ARRB1: variants seen among roughly 807,000 people sequenced by gnomAD.
The protein encoded by ARRB1 is arrestin beta 1, also known as beta-arrestin-1.
ARRB1 carries 21 observed loss-of-function variants against 56.8 expected under a neutral mutation model. The observed-to-expected ratio is 0.37, with a 90% CI of 0.26 to 0.53. The LOEUF is 0.53. ARRB1 is among the 20% of genes least tolerant of loss of function. ARRB1 has a pLI of 0.88. For missense variants in ARRB1, 424 were observed against 553.7 expected (o/e 0.77, Z 2.35); for synonymous variants, 210 against 218.6 (o/e 0.96, Z 0.35).
intron 7 of ARRB1, 25 bp downstream of exon 7, chr11:75,281,050 G>C: frequency 6.3e-7 from 1 of 1,590,654 alleles, no homozygotes; most frequent in Non-Finnish European, 8.6e-7. Flanking sequence ...CCAGCAGGCG[G>C]CCCACACCCT....
At chr11:75,268,351 A>C (rs1945985801) in intron 14 of ARRB1, among the ~76,000 whole-genome samples, 1 of 151,894 alleles carries the variant, frequency 6.6e-6, no homozygotes, top group Non-Finnish European at 1.5e-5. Context: ...CTAAAAATAC[A>C]AAAATCAGCC....
intron 1 of ARRB1, chr11:75,312,137 T>C (rs1369970173): frequency 7.8e-7 from 1 of 1,289,408 alleles, no homozygotes; most frequent in East Asian, 5.5e-5. Context: ...TGCTGGCCTC[T>C]CCCTTCTCCT....
intron 1 of ARRB1, among the ~76,000 whole-genome samples, chr11:75,349,963 G>T (rs1947822143): frequency 6.6e-6 from 1 of 152,226 alleles, no homozygotes; most frequent in South Asian, 2.1e-4. Flanking sequence ...CCTGCCTCTG[G>T]CCCCTTTTGA....
chr11:75,268,929 T>C lies in ARRB1; in HGVS notation c.1053A>G (p.Leu351=). Residue 351 remains leucine (L), a synonymous_variant, in exon 14 of 16, where the codon CTA becomes CTG. Coordinates refer to ENST00000420843, the MANE Select transcript of ARRB1 (RefSeq NM_004041.5). Reference sequence around the variant, plus strand: ...GTTCCTCTTTGGGCTTGGGGTGCATTAGGGTGAAGGGCAGTTCCACGGCCA... The same window carrying C: ...GTTCCTCTTTGGGCTTGGGGTGCATCAGGGTGAAGGGCAGTTCCACGGCCA... ...SDVAVELPFT[L]MHPKPKEEPP... is the part of the protein sequence containing the mutation. The C allele has an allele frequency of 6.2e-7, 1 of 1,611,230 alleles. No individual in the cohort carries two copies.
At chr11:75,318,554 G>T (rs919863791) in intron 1 of ARRB1, among the ~76,000 whole-genome samples, 2 of 152,150 alleles carry the variant, frequency 1.3e-5, no homozygotes, top group African/African-American at 4.8e-5. Context: ...GCTGGGCATG[G>T]TGGCATGCAC....
chr11:75,269,031 G>A (rs1188881893), intron 13 of ARRB1, 72 bp from the exon 14 acceptor site: 14 of 1,517,282 alleles, frequency 9.2e-6, no homozygotes, highest in Non-Finnish European at 1.2e-5. Flanking sequence ...TCGATGCCCT[G>A]TCAGTCCGAG....
chr11:75,337,883 C>G (rs898011825), intron 1 of ARRB1, among the ~76,000 whole-genome samples: 1 of 142,868 alleles, frequency 7.0e-6, no homozygotes. Flanking sequence ...CCGCCTGCCT[C>G]GGCCTCCCAA....
At chr11:75,274,289 A>T in intron 10 of ARRB1, 78 bp from the exon 11 acceptor site, 31 of 1,568,884 alleles carry the variant, frequency 2.0e-5, no homozygotes, top group Non-Finnish European at 2.5e-5. Flanking sequence ...CCAGCAGAAT[A>T]TCTAGTCTGA....
chr11:75,321,034 G>A (rs2140495244), intron 1 of ARRB1, among the ~76,000 whole-genome samples: 2 of 152,252 alleles, frequency 1.3e-5, no homozygotes, highest in Middle Eastern at 6.8e-3. Context: ...TCACTAGTGG[G>A]GGCTAAGAGG....
intron 1 of ARRB1, among the ~76,000 whole-genome samples, chr11:75,311,023 C>T (rs1947143586): frequency 1.3e-5 from 2 of 152,194 alleles, no homozygotes; most frequent in South Asian, 2.1e-4. Context: ...CTACCAAAGG[C>T]ACCCTATGAG....
At chr11:75,347,173 G>GGAA (rs1377012719) in intron 1 of ARRB1, among the ~76,000 whole-genome samples, 3 of 152,282 alleles carry the variant, frequency 2.0e-5, no homozygotes, top group Non-Finnish European at 4.4e-5. Context: ...AAACTTGGAA[G>GGAA]GAAGAGAGCA....
rs946162274 is a variant in ARRB1, at chr11:75,263,756, A to T, written c.*2407T>A. ...GCTCCAGGAGAAAAAAAAAAAAAAAAGATAGTGCTCTGATCCTTCCCTGCA... is the reference window on the plus strand; with the variant it reads ...GCTCCAGGAGAAAAAAAAAAAAAAATGATAGTGCTCTGATCCTTCCCTGCA... On this transcript the variant is annotated 3_prime_UTR_variant, in exon 16 of 16. Transcript: ENST00000420843. 6.6e-6 allele frequency among the ~76,000 whole-genome samples: 1 copy of T among 151,380 alleles called. No homozygotes were observed. Among genetic ancestry groups the T allele is most frequent in the Non-Finnish European group, 1.5e-5 (1 of 67,900 alleles).
At chr11:75,317,231 G>A (rs1005418583) in intron 1 of ARRB1, among the ~76,000 whole-genome samples, 2 of 152,074 alleles carry the variant, frequency 1.3e-5, no homozygotes, top group East Asian at 3.9e-4. Flanking sequence ...CTACAGTCTA[G>A]GGTCTTTTTG....
At chr11:75,346,516 C>A (rs1947769396) in intron 1 of ARRB1, among the ~76,000 whole-genome samples, 1 of 152,034 alleles carries the variant, frequency 6.6e-6, no homozygotes, top group Non-Finnish European at 1.5e-5. Context: ...AGCCTTGCTC[C>A]AGGCATGTAG....
At chr11:75,331,744 G>T (rs2140508273) in intron 1 of ARRB1, among the ~76,000 whole-genome samples, 1 of 151,488 alleles carries the variant, frequency 6.6e-6, no homozygotes, top group East Asian at 2.0e-4. Context: ...AAACAGCCTT[G>T]TTGCTCACAC....
intron 8 of ARRB1, among the ~76,000 whole-genome samples, chr11:75,278,314 G>A (rs998313852): frequency 1.3e-5 from 2 of 152,238 alleles, no homozygotes; most frequent in Non-Finnish European, 2.9e-5. Context: ...TCGGCCTGAG[G>A]CAGGCAGCTG....
intron 1 of ARRB1, among the ~76,000 whole-genome samples, chr11:75,315,242 T>C (rs752628236): frequency 6.6e-6 from 1 of 152,108 alleles, no homozygotes; most frequent in African/African-American, 2.4e-5. Context: ...ATGTGATCCA[T>C]CCAGGTATCT....
chr11:75,283,906 T>C (rs1254080171), intron 4 of ARRB1, among the ~76,000 whole-genome samples: 1 of 152,140 alleles, frequency 6.6e-6, no homozygotes, highest in Non-Finnish European at 1.5e-5. Flanking sequence ...CAGCTCAGTC[T>C]GCACTCTTGT....
chr11:75,297,526 A>C (rs10899084), intron 1 of ARRB1, among the ~76,000 whole-genome samples: 41,581 of 151,762 alleles, frequency 0.27, 6,242 homozygotes, highest in African/African-American at 0.41. Flanking sequence ...TAGTCGCACA[A>C]AAAAAAACAA....
Sources: gnomAD v4.1 joint callset for allele counts (sites outside exome capture counted in the v4.1 genomes callset) on GRCh38, gnomAD v4.1.1 for gene constraint, MANE v1.5 for transcripts, NCBI Gene and HGNC (gene_info 2026-07-23, HGNC 2026-07-21) for gene names.